Variants in EPG5 observed in about 807,000 individuals in gnomAD.
The protein encoded by EPG5 is ectopic P-granules 5 autophagy tethering factor.
EPG5 carries 159 observed loss-of-function variants against 302.7 expected under a neutral mutation model. The observed-to-expected ratio is 0.53, with a 90% CI of 0.46 to 0.60. The LOEUF is 0.60. Ranked by LOEUF, EPG5 falls within the 20% of genes least tolerant of loss-of-function variation. The pLI is 0.00. For missense variants in EPG5, 2,896 were observed against 3,092.4 expected (o/e 0.94, Z 1.51); for synonymous variants, 1,158 against 1,136.8 (o/e 1.02, Z -0.37).
chr18:45,959,187 C>T (rs1403198419), intron 1 of EPG5, among the ~76,000 whole-genome samples: 1 of 152,170 alleles, frequency 6.6e-6, no homozygotes, highest in Non-Finnish European at 1.5e-5. Flanking sequence ...TGGGCAGTTA[C>T]AAAATTAGCC....
Position 45,913,742 on chromosome 18 carries a change from C to T in EPG5, c.3780G>A (p.Val1260=). 1 of 1,614,156 alleles carries T rather than the reference C, an allele frequency of 6.2e-7. No homozygotes were observed. The highest frequency in any genetic ancestry group is 8.5e-7 in the Non-Finnish European group (1 of 1,180,016). ...QLRRVIEGEL[V]INSAFTPDQA... ...GGTCAGGGGTGAAAGCAGAGTTTATCACCAATTCCCCTTCAATAACTCTCC... is the reference window on the plus strand; with the variant it reads ...GGTCAGGGGTGAAAGCAGAGTTTATTACCAATTCCCCTTCAATAACTCTCC... The change falls in exon 21 of 44, where the codon GTG becomes GTA. Residue 1260 remains valine, a synonymous_variant. Transcript: ENST00000282041.
chr18:45,952,344 C>A (rs928632821), intron 3 of EPG5, 56 bp downstream of exon 3: 1 of 1,590,960 alleles, frequency 6.3e-7, no homozygotes, highest in South Asian at 1.1e-5. Context: ...CAGGCTATAC[C>A]CCTCAATTTT....
At chr18:45,896,833 C>T (rs2049489197) in intron 27 of EPG5, among the ~76,000 whole-genome samples, 1 of 152,178 alleles carries the variant, frequency 6.6e-6, no homozygotes, top group African/African-American at 2.4e-5. Flanking sequence ...AGGAGTGACC[C>T]ACCACGCTCA....
Position 45,967,032 on chromosome 18 carries a change from G to A in EPG5, c.63+145C>T. 2 of 727,610 alleles carry A rather than the reference G, an allele frequency of 2.7e-6. 1 individual carries two copies. Among genetic ancestry groups the A allele is most frequent in the South Asian group, 3.7e-5 (2 of 53,564 alleles). 45.1% of individuals were successfully genotyped at this position (727,610 alleles called of 1,614,324 possible). A position where few individuals can be genotyped will look rare whatever the true frequency, so the allele number is the denominator to read the frequency against. On this transcript the variant is annotated intron_variant, in intron 1 of 43. Coordinates refer to ENST00000282041, the MANE Select transcript of EPG5 (RefSeq NM_020964.3). ...GGAGGAGAAGGGCCGGTGTCAACGGGTGGTGGGATCAAATATTGGAAGGTG... is the reference window on the plus strand; with the variant it reads ...GGAGGAGAAGGGCCGGTGTCAACGGATGGTGGGATCAAATATTGGAAGGTG...
rs1053703029 is a variant in EPG5, at chr18:45,858,870, G to A, written c.7010-88C>T. 316 of 1,032,304 alleles carry A rather than the reference G, an allele frequency of 3.1e-4. 1 individual carries two copies. The highest frequency in any genetic ancestry group is 3.9e-4 in the Non-Finnish European group (269 of 696,386). The allele number at this position is 1,032,304 out of a possible 1,614,324, so 63.9% of individuals were successfully genotyped here. The stretch of plus-strand genomic sequence containing the variant: ...CAAATATTTTCACTTTAAGCTTCAT[G>A]ATTTTTTTTTTTGACATAGCAACCT... On this transcript the variant is annotated intron_variant, in intron 40 of 43. Transcript: ENST00000282041.
intron 2 of EPG5, 150 bp downstream of exon 2, chr18:45,954,244 C>G: frequency 1.4e-6 from 1 of 718,916 alleles, no homozygotes. Flanking sequence ...ACACCTGGCT[C>G]CTGCAGGCAT....
intron 43 of EPG5, among the ~76,000 whole-genome samples, chr18:45,854,339 G>C (rs769672207): frequency 2.0e-5 from 3 of 152,206 alleles, no homozygotes; most frequent in African/African-American, 7.2e-5. Flanking sequence ...ATCTGACATT[G>C]CATGTGGCTG....
At position 45,864,738 on chromosome 18, in the gene EPG5, G is replaced by T. The variant is rs568583212; in HGVS notation, c.6766+877C>A. Among the ~76,000 whole-genome samples, 673 of 152,326 alleles carry T rather than the reference G, an allele frequency of 4.4e-3. 2 individuals are homozygous for T. Among genetic ancestry groups the T allele is most frequent in the Middle Eastern group, 0.024 (7 of 294 alleles). On this transcript the variant is annotated intron_variant, in intron 39 of 43. Transcript: ENST00000282041. The stretch of plus-strand genomic sequence containing the variant: ...CAGAACTACTCTAAATTCTTAGATT[G>T]AGGTTGTTGTTATTACTGCTGTTTC...
intron 9 of EPG5, 127 bp from the exon 10 acceptor site, chr18:45,939,882 C>A: frequency 1.2e-6 from 1 of 848,444 alleles, no homozygotes; most frequent in Non-Finnish European, 1.8e-6. Context: ...TACTATTGTC[C>A]AGGTTCTGAA....
At chr18:45,901,506 A>G (rs1326326748) in intron 25 of EPG5, among the ~76,000 whole-genome samples, 1 of 152,208 alleles carries the variant, frequency 6.6e-6, no homozygotes, top group Non-Finnish European at 1.5e-5. Flanking sequence ...CAGGTCACCC[A>G]GTTAAGGTTT....
rs1238809244 is a variant in EPG5 at position 45,868,323 on chromosome 18, G to GGCTTTTT, written c.6226-576_6226-575insAAAAAGC. Among the ~76,000 whole-genome samples the GGCTTTTT allele has an allele frequency of 8.1e-4, 122 of 150,028 alleles. 1 individual carries two copies. The highest frequency in any genetic ancestry group is 1.4e-3 in the Non-Finnish European group (96 of 67,302). On this transcript the variant is annotated intron_variant, in intron 36 of 43. Coordinates refer to ENST00000282041, the MANE Select transcript of EPG5 (RefSeq NM_020964.3). ...TACACTAGTGTATATTATTTATATT[G>GGCTTTTT]CCTTTTTCCTTTTTCCTTTTTTTTT...
chr18:45,848,375 T>C lies in EPG5; in HGVS notation c.*4092A>G, dbSNP rs541492707. The C allele has an allele frequency of 6.6e-6, 1 of 152,272 alleles. No individual in the cohort carries two copies. The highest frequency in any genetic ancestry group is 1.5e-5 in the Non-Finnish European group (1 of 68,020). The allele number at this position is 152,272 out of a possible 1,614,324, so 9.4% of individuals were successfully genotyped here. A position where few individuals can be genotyped will look rare whatever the true frequency, so the allele number is the denominator to read the frequency against. On this transcript the variant is annotated 3_prime_UTR_variant, in exon 44 of 44. Coordinates refer to ENST00000282041, the MANE Select transcript of EPG5 (RefSeq NM_020964.3). ...CTTGTTGTTAGGCCTGTCATGAAGATGTGGGGTGAGATCTGTCTTGGGCAA... is the reference window on the plus strand; with the variant it reads ...CTTGTTGTTAGGCCTGTCATGAAGACGTGGGGTGAGATCTGTCTTGGGCAA...
intron 17 of EPG5, chr18:45,916,796 A>G: frequency 5.1e-6 from 2 of 392,516 alleles, no homozygotes; most frequent in South Asian, 9.2e-5. Context: ...GAACAGATCC[A>G]CGACACACAA....
At chr18:45,814,334 G>A in the EPG5 span, among the ~76,000 whole-genome samples, 1 of 152,190 alleles carries the variant, frequency 6.6e-6, no homozygotes, top group Non-Finnish European at 1.5e-5. Context: ...GTTAATTCAT[G>A]AGAGATAAAG....
At chr18:45,842,022 C>G in the EPG5 span, 1 of 1,256,138 alleles carries the variant, frequency 8.0e-7, no homozygotes, top group Non-Finnish European at 1.2e-6. Context: ...GTCTCCTCTT[C>G]TTGGCCCACT....
At position 45,955,090 on chromosome 18, in the gene EPG5, C is replaced by CTT. The variant is rs1483969601; in HGVS notation, c.310_311dup (p.Glu105ArgfsTer29). 3 of 1,613,796 alleles carry CTT rather than the reference C, an allele frequency of 1.9e-6. No individual in the cohort carries two copies. The highest frequency in any genetic ancestry group is 2.5e-6 in the Non-Finnish European group (3 of 1,179,906). ...CACAGGGTCTGGCCTCTCCCCCTTCCTTTGGGGGCTCTGTGTTACACGTCA... is the reference window on the plus strand; with the variant it reads ...CACAGGGTCTGGCCTCTCCCCCTTCCTTTTTGGGGGCTCTGTGTTACACGTCA... On this transcript the variant is annotated frameshift_variant, in exon 2 of 44. Transcript: ENST00000282041. LOFTEE classifies it high-confidence loss of function.
the EPG5 span, among the ~76,000 whole-genome samples, chr18:45,841,362 G>A: frequency 7.2e-5 from 11 of 152,166 alleles, no homozygotes; most frequent in Admixed American, 7.2e-4. Flanking sequence ...AAAGACTCAG[G>A]TGAGGCCCAG....
chr18:45,812,756 G>A, the EPG5 span, among the ~76,000 whole-genome samples: 10 of 152,070 alleles, frequency 6.6e-5, no homozygotes, highest in Admixed American at 2.6e-4. Context: ...TACACCTTAT[G>A]CAAAAATTAA....
In EPG5 at chr18:45,922,559, G is replaced by A. The variant is rs577918967; in HGVS notation, c.2880C>T (p.Pro960=). 42 of 1,614,138 alleles carry A rather than the reference G, an allele frequency of 2.6e-5. No individual in the cohort carries two copies. The highest frequency in any genetic ancestry group is 1.6e-4 in the South Asian group (15 of 91,068). The change falls in exon 16 of 44, where the codon CCC becomes CCT. Residue 960 remains proline, a synonymous_variant. Coordinates refer to ENST00000282041, the MANE Select transcript of EPG5 (RefSeq NM_020964.3). ...AGGCCCATTGGTTAAATGAGGTCTC[G>A]GGTGTCTCTCCATATCGAACAATAC... ...LASIVRYGET[P]ETSFNQWAWN... is the part of the protein sequence containing the mutation.
Sources: gnomAD v4.1 joint callset for allele counts (sites outside exome capture counted in the v4.1 genomes callset) on GRCh38, gnomAD v4.1.1 for gene constraint, MANE v1.5 for transcripts, NCBI Gene and HGNC (gene_info 2026-07-23, HGNC 2026-07-21) for gene names.